The following RFPL1 variants were observed in gnomAD, a reference collection of about 807,000 sequenced individuals.
The protein encoded by RFPL1 is ret finger protein-like 1.
Under a neutral mutation model 9.6 loss-of-function variants are expected in RFPL1, and 6 were observed. The observed-to-expected ratio is 0.62, with a 90% CI of 0.34 to 1.23. The LOEUF is 1.23. Ranked by LOEUF, RFPL1 falls within the 50% of genes most tolerant of loss-of-function variation. The pLI is 0.03. For missense variants in RFPL1, 352 were observed against 398.4 expected (o/e 0.88, Z 0.99); for synonymous variants, 145 against 149.4 (o/e 0.97, Z 0.22).
At chr22:29,409,826 G>T in the RFPL1 span, among the ~76,000 whole-genome samples, 1 of 152,098 alleles carries the variant, frequency 6.6e-6, no homozygotes, top group Non-Finnish European at 1.5e-5. Context: ...GTTGATCATG[G>T]ACTCTAGCGA....
upstream of RFPL1, chr22:29,434,823 T>C (rs1208699963): frequency 6.6e-6 from 1 of 152,226 alleles, no homozygotes; most frequent in African/African-American, 2.4e-5. Context: ...ATGACAATGA[T>C]TTCCTTTTAT....
chr22:29,400,292 G>A, the RFPL1 span, among the ~76,000 whole-genome samples: 4 of 152,064 alleles, frequency 2.6e-5, no homozygotes, highest in East Asian at 1.9e-4. Context: ...CACCACGCCC[G>A]GCCTATCAAG....
At chr22:29,424,641 T>A in the RFPL1 span, among the ~76,000 whole-genome samples, 3 of 118,092 alleles carry the variant, frequency 2.5e-5, no homozygotes, top group African/African-American at 1.0e-4. Flanking sequence ...TCCTTGACAG[T>A]GGCTAAGGAC....
At chr22:29,438,199 T>C (rs1373169900), upstream of RFPL1, 3 of 152,416 alleles carry the variant, frequency 2.0e-5, no homozygotes, top group Non-Finnish European at 4.3e-5. Context: ...TTTTTTTTTT[T>C]TGAGATGGTG....
chr22:29,442,286 C>T, exon 2 of RFPL1: 2 of 497,298 alleles, frequency 4.0e-6, no homozygotes, highest in Non-Finnish European at 6.9e-6. Flanking sequence ...AAATTGAGTC[C>T]TAAGTATTAA....
At chr22:29,419,869 C>T in the RFPL1 span, among the ~76,000 whole-genome samples, 2 of 150,024 alleles carry the variant, frequency 1.3e-5, no homozygotes, top group East Asian at 3.9e-4. Context: ...GCAACAGGAA[C>T]CATGGAAGCT....
At chr22:29,426,450 G>A in the RFPL1 span, among the ~76,000 whole-genome samples, 3 of 152,048 alleles carry the variant, frequency 2.0e-5, no homozygotes, top group East Asian at 3.9e-4. Context: ...TCAGACAACC[G>A]TATAAAAGAA....
chr22:29,430,488 G>C, the RFPL1 span, among the ~76,000 whole-genome samples: 1 of 151,986 alleles, frequency 6.6e-6, no homozygotes, highest in African/African-American at 2.4e-5. Flanking sequence ...AATTATCAAA[G>C]TTTTTAAAAA....
intron 1 of RFPL1, 153 bp downstream of exon 1, chr22:29,439,317 T>C: frequency 4.3e-6 from 5 of 1,165,826 alleles, no homozygotes; most frequent in Non-Finnish European, 6.0e-6. Context: ...CCTGACAACA[T>C]ACAGAATCAC....
chr22:29,395,152 G>A, the RFPL1 span, among the ~76,000 whole-genome samples: 4 of 152,092 alleles, frequency 2.6e-5, no homozygotes, highest in South Asian at 4.1e-4. Flanking sequence ...ACTAGAGTGC[G>A]CACAGGTGCC....
chr22:29,392,366 T>A, the RFPL1 span, among the ~76,000 whole-genome samples: 2 of 132,830 alleles, frequency 1.5e-5, no homozygotes, highest in African/African-American at 5.7e-5. Flanking sequence ...AGGCATGAGC[T>A]ACCACACCTG....
the RFPL1 span, chr22:29,419,080 A>G: frequency 2.4e-5 from 19 of 793,628 alleles, no homozygotes; most frequent in East Asian, 7.3e-5. Context: ...TAAAGGAGAG[A>G]CTGAAGTGGA....
At chr22:29,414,109 C>T in the RFPL1 span, among the ~76,000 whole-genome samples, 8 of 152,120 alleles carry the variant, frequency 5.3e-5, no homozygotes, top group Non-Finnish European at 1.0e-4. Flanking sequence ...CTTTCACAGA[C>T]AATTCTTCGA....
the RFPL1 span, among the ~76,000 whole-genome samples, chr22:29,431,747 G>A: frequency 1.3e-5 from 2 of 150,846 alleles, no homozygotes; most frequent in African/African-American, 4.9e-5. Flanking sequence ...GTGCAGTGGT[G>A]CGATCTCAGC....
the RFPL1 span, among the ~76,000 whole-genome samples, chr22:29,400,309 T>C: frequency 6.6e-6 from 1 of 152,218 alleles, no homozygotes; most frequent in African/African-American, 2.4e-5. Context: ...CAAGCTTTTC[T>C]AAAGTGTAGA....
chr22:29,418,789 C>G, the RFPL1 span, among the ~76,000 whole-genome samples: 13 of 152,222 alleles, frequency 8.5e-5, no homozygotes, highest in Non-Finnish European at 1.3e-4. Context: ...TGAGCCACTG[C>G]GCCTGGCCCA....
At chr22:29,417,218 G>A in the RFPL1 span, among the ~76,000 whole-genome samples, 1 of 152,054 alleles carries the variant, frequency 6.6e-6, no homozygotes, top group Admixed American at 6.6e-5. Context: ...CTTTTGAGAT[G>A]GAAGAACAAA....
chr22:29,436,939 A>T (rs1189289534), upstream of RFPL1: 1 of 152,272 alleles, frequency 6.6e-6, no homozygotes, highest in Non-Finnish European at 1.5e-5. Context: ...ACAAAGCAGT[A>T]AAGATCCCAC....
intron 1 of RFPL1, chr22:29,440,765 A>T (rs181571599): frequency 4.1e-4 from 63 of 152,234 alleles, no homozygotes; most frequent in African/African-American, 1.4e-3. Context: ...TTTAGTAGAG[A>T]CAGGGTTTCA....
Sources: allele counts gnomAD v4.1 joint callset (sites outside exome capture counted in the v4.1 genomes callset), GRCh38; gene constraint gnomAD v4.1.1; transcripts MANE v1.5; gene names NCBI Gene and HGNC (gene_info 2026-07-23, HGNC 2026-07-21).